WSCD1: variants seen among roughly 807,000 people sequenced by gnomAD.
WSCD1 encodes WSC domain sialate O sulfotransferase 1, also known as sialate:O-sulfotransferase 1.
Under a neutral mutation model 60.4 loss-of-function variants are expected in WSCD1, and 41 were observed. The ratio of observed to expected loss-of-function variants is 0.68; its 90% CI spans 0.53 to 0.88. WSCD1 has a LOEUF of 0.88. WSCD1 is among the 40% of genes least tolerant of loss of function. The probability of loss-of-function intolerance (pLI) is 0.00; values close to 1 mark genes in which losing one functional copy is unlikely to be tolerated. For missense variants in WSCD1, 784 were observed against 796.2 expected (o/e 0.98, Z 0.18); for synonymous variants, 361 against 332.5 (o/e 1.09, Z -0.93).
chr17:6,102,544 G>T (rs1008034424), intron 5 of WSCD1, among the ~76,000 whole-genome samples: 4 of 152,116 alleles, frequency 2.6e-5, no homozygotes, highest in Admixed American at 2.6e-4. Flanking sequence ...TTTTCTGGGG[G>T]GTTAACACAT....
chr17:6,080,837 T>G lies in WSCD1; in HGVS notation c.179T>G (p.Val60Gly), dbSNP rs1909199055. 1 of 1,607,832 alleles carries G rather than the reference T, an allele frequency of 6.2e-7. No individual in the cohort carries two copies. The highest frequency in any genetic ancestry group is 8.5e-7 in the Non-Finnish European group (1 of 1,178,412). ...CTGCAGACCTTGCCAGTGGCCGCCG[T>G]GGCGCTGGGCGTGGGCTTGCTGGAC... ...GPLQTLPVAA[V>G]ALGVGLLDSR... is the part of the protein sequence containing the mutation. Residue 60 changes from valine to glycine, a missense_variant, in exon 2 of 9, where the codon GTG becomes GGG. Physicochemically the swap from Val to Gly is moderately radical, Grantham distance 109. Coordinates refer to ENST00000317744, the MANE Select transcript of WSCD1 (RefSeq NM_015253.2). This position sits in a 1 kb window ranked among gnomAD's most constrained non-coding sequence, Gnocchi z 6.6.
intron 1 of WSCD1, among the ~76,000 whole-genome samples, chr17:6,074,809 C>T (rs1908747037): frequency 6.6e-6 from 1 of 152,218 alleles, no homozygotes; most frequent in Admixed American, 6.5e-5. Context: ...GCTTGTCAAT[C>T]CCTGGGAAGC....
At chr17:6,109,811 G>T in intron 6 of WSCD1, 45 bp downstream of exon 6, 1 of 1,590,776 alleles carries the variant, frequency 6.3e-7, no homozygotes, top group Non-Finnish European at 8.6e-7. Flanking sequence ...GGTCTGGGGG[G>T]TGGGGAGAGC....
intron 5 of WSCD1, among the ~76,000 whole-genome samples, chr17:6,103,247 G>T (rs570862189): frequency 2.0e-5 from 3 of 152,316 alleles, no homozygotes; most frequent in African/African-American, 7.2e-5. Flanking sequence ...GTTTTGGGGT[G>T]TGTCTGGAGT....
chr17:6,086,605 C>CG (rs1183473110), intron 2 of WSCD1, among the ~76,000 whole-genome samples: 2 of 152,118 alleles, frequency 1.3e-5, no homozygotes, highest in African/African-American at 4.8e-5. Flanking sequence ...CCACCCGCCC[C>CG]GGCCTCCCAA....
Position 6,110,871 on chromosome 17 carries a change from C to T in WSCD1, c.1110C>T (p.Leu370=), listed in dbSNP as rs1174594135. The T allele has an allele frequency of 6.2e-7, 1 of 1,613,868 alleles. No individual in the cohort carries two copies. Among genetic ancestry groups the T allele is most frequent in the Non-Finnish European group, 8.5e-7 (1 of 1,179,910 alleles). Reference sequence around the variant, plus strand: ...CCGGGAACACATGGGCACGGCACCTCATTGAGCATGCCACTGGCTTCTATA... The same window carrying T: ...CCGGGAACACATGGGCACGGCACCTTATTGAGCATGCCACTGGCTTCTATA... ...PGAGNTWARH[L]IEHATGFYTG... The change falls in exon 7 of 9, where the codon CTC becomes CTT. Residue 370 remains leucine, a synonymous_variant. Transcript: ENST00000317744. The surrounding 1 kb of genome is among the most constrained non-coding windows in gnomAD (Gnocchi z 4.8).
In WSCD1 at chr17:6,118,274, A is replaced by G; in HGVS notation, c.1375+86A>G. The G allele has an allele frequency of 7.2e-7, 1 of 1,389,242 alleles. No individual in the cohort carries two copies. The highest frequency in any genetic ancestry group is 9.9e-7 in the Non-Finnish European group (1 of 1,009,434). The allele number at this position is 1,389,242 out of a possible 1,614,324, so 86.1% of individuals were successfully genotyped here. ...GGATGCAGGATCAATTTACACAGGT[A>G]GGCACTGCAGGATGCAGGATCAGTA... On this transcript the variant is annotated intron_variant, in intron 8 of 8. Transcript: ENST00000317744. The surrounding 1 kb of genome is among the most constrained non-coding windows in gnomAD (Gnocchi z 5.8).
chr17:6,107,046 A>G (rs1180593563), intron 5 of WSCD1, among the ~76,000 whole-genome samples: 1 of 152,196 alleles, frequency 6.6e-6, no homozygotes, highest in Non-Finnish European at 1.5e-5. Context: ...AAAGTCTGAG[A>G]TCAAGGTCTC....
Position 6,110,783 on chromosome 17 carries a change from C to T in WSCD1, c.1022C>T (p.Thr341Ile). Residue 341 changes from threonine (T) to isoleucine (I), a missense_variant, in exon 7 of 9, where the codon ACA becomes ATA. Coordinates refer to ENST00000317744, the MANE Select transcript of WSCD1 (RefSeq NM_015253.2). This position sits in a 1 kb window ranked among gnomAD's most constrained non-coding sequence, Gnocchi z 4.8. ...TTTGGACTTTCAGACACTCGTTGTA[C>T]AGACAGGAGGTTCCTGCCTAACAAA... ...YQTPVQDTRC[T>I]DRRFLPNKSK... The T allele has an allele frequency of 6.2e-7, 1 of 1,612,726 alleles. No individual in the cohort carries two copies.
intron 5 of WSCD1, among the ~76,000 whole-genome samples, chr17:6,099,599 T>C (rs1476118153): frequency 2.0e-5 from 3 of 151,722 alleles, no homozygotes; most frequent in Admixed American, 2.0e-4. Context: ...GTGTACCGAG[T>C]GTCATGGCCA....
At chr17:6,076,691 T>C (rs191121656) in intron 1 of WSCD1, among the ~76,000 whole-genome samples, 36 of 152,366 alleles carry the variant, frequency 2.4e-4, no homozygotes, top group Non-Finnish European at 1.6e-4. Context: ...TTTACTGTCA[T>C]GGACAGCCTG....
intron 2 of WSCD1, among the ~76,000 whole-genome samples, chr17:6,086,885 G>T (rs964183369): frequency 6.6e-6 from 1 of 152,172 alleles, no homozygotes; most frequent in Non-Finnish European, 1.5e-5. Context: ...CTAAAAAGCC[G>T]CTTGGGAGCC....
In WSCD1 at chr17:6,120,397, G is replaced by A. The variant is rs764277116; in HGVS notation, c.1464G>A (p.Val488=). Residue 488 remains valine, a synonymous_variant, in exon 9 of 9, where the codon GTG becomes GTA. Transcript: ENST00000317744. The part of the protein sequence containing the change: ...WLKYGKRLLV[V]HYEELRRSLV... ...AGTACGGGAAGCGGCTGCTGGTGGT[G>A]CACTACGAGGAGCTGCGGCGCAGCC... 6.2e-7 allele frequency: 1 copy of A among 1,614,038 alleles called. No individual in the cohort carries two copies. Among genetic ancestry groups the A allele is most frequent in the Non-Finnish European group, 8.5e-7 (1 of 1,180,030 alleles).
At chr17:6,109,506 A>G in intron 5 of WSCD1, 101 bp from the exon 6 acceptor site, 5 of 1,489,018 alleles carry the variant, frequency 3.4e-6, no homozygotes, top group Non-Finnish European at 4.6e-6. Context: ...ATACAGATAC[A>G]GCTGGCAATA....
chr17:6,114,472 A>G (rs765023625), intron 7 of WSCD1, among the ~76,000 whole-genome samples: 1 of 152,130 alleles, frequency 6.6e-6, no homozygotes, highest in Non-Finnish European at 1.5e-5. Flanking sequence ...AATTGATTGT[A>G]TGTTTTCAAG....
At chr17:6,109,830 T>C in intron 6 of WSCD1, 64 bp downstream of exon 6, 1 of 1,573,182 alleles carries the variant, frequency 6.4e-7, no homozygotes, top group Non-Finnish European at 8.7e-7. Context: ...GCTTCCAGGG[T>C]TTGGAGATGC....
At chr17:6,087,679 G>A (rs1176929601) in intron 2 of WSCD1, among the ~76,000 whole-genome samples, 1 of 152,224 alleles carries the variant, frequency 6.6e-6, no homozygotes, top group Non-Finnish European at 1.5e-5. Context: ...AGGTAATCCA[G>A]CCTTCCCAAC....
chr17:6,095,367 GC>G (rs1189864704), intron 5 of WSCD1, 144 bp downstream of exon 5: 1 of 1,182,118 alleles, frequency 8.5e-7, no homozygotes, highest in Non-Finnish European at 1.1e-6. Flanking sequence ...TGGGAGGCAG[GC>G]ACCAGGTACC....
chr17:6,090,149 T>G (rs1453948972), intron 3 of WSCD1, among the ~76,000 whole-genome samples, 172 bp from the exon 4 acceptor site: 1 of 152,270 alleles, frequency 6.6e-6, no homozygotes, highest in Non-Finnish European at 1.5e-5. Flanking sequence ...TATACATATG[T>G]AACTAACCTG....
Sources: gnomAD v4.1 joint callset for allele counts (sites outside exome capture counted in the v4.1 genomes callset) on GRCh38, gnomAD v4.1.1 for gene constraint, Gnocchi (gnomAD v3.1) non-coding constraint, MANE v1.5 for transcripts, NCBI Gene and HGNC (gene_info 2026-07-23, HGNC 2026-07-21) for gene names.